The following RGS22 variants were observed in gnomAD, a reference collection of about 807,000 sequenced individuals.
RGS22 encodes regulator of G protein signaling 22, also known as regulator of G-protein signaling 22.
RGS22 carries 148 observed loss-of-function variants against 172.9 expected under a neutral mutation model. The ratio of observed to expected loss-of-function variants is 0.86; its 90% CI spans 0.75 to 0.98. RGS22 has a LOEUF of 0.98. RGS22 is among the 50% of genes least tolerant of loss of function. The pLI is 0.00. For synonymous variants in RGS22, 458 were observed against 480.2 expected, an observed-to-expected ratio of 0.95 and a Z score of 0.60; for missense variants, 1,347 against 1,440.8, an observed-to-expected ratio of 0.93 and a Z score of 1.05.
chr8:100,059,609 G>A (rs1018915576), intron 9 of RGS22, among the ~76,000 whole-genome samples: 4 of 152,110 alleles, frequency 2.6e-5, no homozygotes, highest in Non-Finnish European at 1.5e-5. Context: ...AAATATATAT[G>A]TACCCAACAC....
At chr8:100,028,805 C>A (rs80025362) in intron 14 of RGS22, among the ~76,000 whole-genome samples, 1 of 152,180 alleles carries the variant, frequency 6.6e-6, no homozygotes, top group Non-Finnish European at 1.5e-5. Context: ...CAGGCCCCCA[C>A]GAAAACAGTA....
At chr8:99,984,732 C>T (rs1588904718) in intron 21 of RGS22, among the ~76,000 whole-genome samples, 3 of 152,006 alleles carry the variant, frequency 2.0e-5, no homozygotes, top group South Asian at 2.1e-4. Flanking sequence ...TGGCCTGCCC[C>T]TTGGTAGGTG....
rs529754525 is a variant in RGS22, at chr8:100,003,849, CTT to C, written c.2627+75_2627+76del. ...TAAAATCTGTTATAGCACCAAATCA[CTT>C]TTATAATATGTTGAATCAAAAATAG... On this transcript the variant is annotated intron_variant, in intron 17 of 27. Coordinates refer to ENST00000360863, the MANE Select transcript of RGS22 (RefSeq NM_015668.5). 140 of 1,273,356 alleles carry C rather than the reference CTT, an allele frequency of 1.1e-4. 1 individual carries two copies. Among genetic ancestry groups the C allele is most frequent in the Middle Eastern group, 1.0e-3 (4 of 3,966 alleles). The allele number at this position is 1,273,356 out of a possible 1,614,324, so 78.9% of individuals were successfully genotyped here.
intron 9 of RGS22, among the ~76,000 whole-genome samples, chr8:100,055,106 C>G (rs1445042641): frequency 6.6e-6 from 1 of 152,230 alleles, no homozygotes; most frequent in Non-Finnish European, 1.5e-5. Flanking sequence ...AGGACACAAG[C>G]CTGGCTGGCT....
chr8:99,966,164 TACTC>T (rs1483991483), intron 23 of RGS22, among the ~76,000 whole-genome samples: 1 of 152,214 alleles, frequency 6.6e-6, no homozygotes, highest in African/African-American at 2.4e-5. Flanking sequence ...GTCATTTTCT[TACTC>T]AGCAACAGAA....
intron 19 of RGS22, 92 bp downstream of exon 19, chr8:99,999,170 A>AAG: frequency 8.4e-7 from 1 of 1,197,464 alleles, no homozygotes; most frequent in Non-Finnish European, 1.1e-6. Context: ...AAAAAAAAAA[A>AAG]AAAGGACAAT....
chr8:100,063,632 T>C lies in RGS22; in HGVS notation c.1136A>G (p.Glu379Gly). Residue 379 changes from glutamate to glycine, a missense_variant, in exon 8 of 28, where the codon GAG becomes GGG. Physicochemically the swap from Glu to Gly is moderately conservative, Grantham distance 98 (BLOSUM62 -2). Transcript: ENST00000360863. Reference sequence around the variant, plus strand: ...TGAACTTAAACTTGTTTGTTCTATCTCTTCTGACCTCTCCTTTGTAGTTTG... The same window carrying C: ...TGAACTTAAACTTGTTTGTTCTATCCCTTCTGACCTCTCCTTTGTAGTTTG... ...LVQTTKERSE[E>G]IEQTSLSSKN... 6.2e-7 allele frequency: 1 copy of C among 1,614,140 alleles called. No individual in the cohort carries two copies. The highest frequency in any genetic ancestry group is 8.5e-7 in the Non-Finnish European group (1 of 1,180,012).
chr8:100,002,497 C>T (rs985128962), intron 17 of RGS22, 133 bp from the exon 18 acceptor site: 23 of 743,242 alleles, frequency 3.1e-5, no homozygotes, highest in South Asian at 2.0e-4. Flanking sequence ...ATGGAAATAA[C>T]GAACCCAATA....
chr8:99,976,943 G>T (rs532759530), intron 23 of RGS22, among the ~76,000 whole-genome samples: 6 of 152,122 alleles, frequency 3.9e-5, no homozygotes, highest in African/African-American at 1.4e-4. Context: ...TAAATAAGAT[G>T]AAACATGTTA....
chr8:99,962,664 G>A (rs1810331254), intron 26 of RGS22, 23 bp downstream of exon 26: 2 of 1,579,522 alleles, frequency 1.3e-6, no homozygotes, highest in East Asian at 2.2e-5. Context: ...AACAACTGAA[G>A]ATAGACTACA....
Position 99,983,132 on chromosome 8 carries a change from T to G in RGS22, c.3181-1016A>C, listed in dbSNP as rs79315718. 7.8e-3 allele frequency among the ~76,000 whole-genome samples: 1,193 copies of G among 152,322 alleles called. 3 individuals are homozygous for G. The highest frequency in any genetic ancestry group is 0.012 in the Non-Finnish European group (825 of 68,020). ...TCCACCCACACTGCTGCAAAGGACA[T>G]GATTTCATTTTTTTATGGCTATGTA... On this transcript the variant is annotated intron_variant, in intron 21 of 27. Transcript: ENST00000360863.
intron 21 of RGS22, among the ~76,000 whole-genome samples, chr8:99,983,540 A>G (rs1378679828): frequency 6.6e-6 from 1 of 151,956 alleles, no homozygotes; most frequent in African/African-American, 2.4e-5. Context: ...TTTGATTTGC[A>G]TTTCTCTGAT....
At chr8:100,069,452 C>A (rs1039863694) in intron 6 of RGS22, among the ~76,000 whole-genome samples, 6 of 152,182 alleles carry the variant, frequency 3.9e-5, no homozygotes, top group African/African-American at 1.2e-4. Flanking sequence ...ACAGTTCTCA[C>A]TACATTATGA....
At chr8:99,998,491 G>A (rs1325340346) in intron 19 of RGS22, among the ~76,000 whole-genome samples, 1 of 152,084 alleles carries the variant, frequency 6.6e-6, no homozygotes, top group Non-Finnish European at 1.5e-5. Context: ...GATTGATTGA[G>A]CCCCAGTGTT....
chr8:100,009,289 A>G (rs1461493703), intron 14 of RGS22, among the ~76,000 whole-genome samples: 1 of 152,034 alleles, frequency 6.6e-6, no homozygotes, highest in African/African-American at 2.4e-5. Context: ...GTGATGGTGC[A>G]CACCTGTAAT....
intron 11 of RGS22, among the ~76,000 whole-genome samples, chr8:100,042,257 T>G (rs1820219097): frequency 6.6e-6 from 1 of 152,148 alleles, no homozygotes; most frequent in Non-Finnish European, 1.5e-5. Context: ...AATAAAATAT[T>G]TATTTGTGTT....
At chr8:100,048,597 A>C (rs1010753193) in intron 10 of RGS22, among the ~76,000 whole-genome samples, 8 of 152,134 alleles carry the variant, frequency 5.3e-5, no homozygotes, top group African/African-American at 1.7e-4. Flanking sequence ...ATAACTACTA[A>C]TAATTTTTTC....
At chr8:99,991,566 A>T (rs532376732) in intron 20 of RGS22, among the ~76,000 whole-genome samples, 1 of 152,314 alleles carries the variant, frequency 6.6e-6, no homozygotes, top group East Asian at 1.9e-4. Flanking sequence ...AGGTTAGAGA[A>T]AAAAGAGTAA....
intron 2 of RGS22, among the ~76,000 whole-genome samples, chr8:100,097,375 T>C (rs1161717983): frequency 2.0e-5 from 3 of 152,252 alleles, no homozygotes; most frequent in African/African-American, 4.8e-5. Context: ...ATGATACTTA[T>C]GAAGTATTTA....
Sources: gnomAD v4.1 joint callset for allele counts (sites outside exome capture counted in the v4.1 genomes callset) on GRCh38, gnomAD v4.1.1 for gene constraint, MANE v1.5 for transcripts, NCBI Gene and HGNC (gene_info 2026-07-23, HGNC 2026-07-21) for gene names.